The following ADAMTS18 variants were observed in gnomAD, a reference collection of about 807,000 sequenced individuals.
ADAMTS18 encodes ADAM metallopeptidase with thrombospondin type 1 motif 18, also known as A disintegrin and metalloproteinase with thrombospondin motifs 18.
Under a neutral mutation model 165.9 loss-of-function variants are expected in ADAMTS18, and 157 were observed. The ratio of observed to expected loss-of-function variants is 0.95; its 90% CI spans 0.83 to 1.08. The LOEUF (loss-of-function observed/expected upper bound fraction) is 1.08. Ranked by LOEUF, ADAMTS18 falls within the 50% of genes least tolerant of loss-of-function variation. The probability of loss-of-function intolerance (pLI) is 0.00; values close to 1 mark genes in which losing one functional copy is unlikely to be tolerated. For synonymous variants in ADAMTS18, 782 were observed against 578.2 expected (o/e 1.35, Z -5.06); for missense variants, 2,040 against 1,534.0 (o/e 1.33, Z -5.51).
chr16:77,392,703 T>G (rs1007678740), intron 3 of ADAMTS18, among the ~76,000 whole-genome samples: 3 of 152,068 alleles, frequency 2.0e-5, no homozygotes, highest in Admixed American at 2.0e-4. Flanking sequence ...AGGGTAGACG[T>G]CGTAAATATT....
At chr16:77,373,995 G>C (rs1414902703) in intron 3 of ADAMTS18, among the ~76,000 whole-genome samples, 1 of 152,130 alleles carries the variant, frequency 6.6e-6, no homozygotes, top group East Asian at 1.9e-4. Context: ...AAGGAGTGCA[G>C]ATCACGTGAG....
At chr16:77,324,891 T>C (rs957565964) in intron 13 of ADAMTS18, among the ~76,000 whole-genome samples, 2 of 147,556 alleles carry the variant, frequency 1.4e-5, no homozygotes, top group African/African-American at 2.4e-5. Flanking sequence ...AATTGTCATG[T>C]CTGTCTCTAT....
chr16:77,359,978 G>A (rs2056688831), intron 7 of ADAMTS18, among the ~76,000 whole-genome samples: 1 of 152,118 alleles, frequency 6.6e-6, no homozygotes, highest in Non-Finnish European at 1.5e-5. Flanking sequence ...TGTTCCCAAA[G>A]TTACTTCCCT....
intron 17 of ADAMTS18, 120 bp from the exon 18 acceptor site, chr16:77,297,535 AT>A (rs2055497826): frequency 2.8e-6 from 3 of 1,067,354 alleles, no homozygotes; most frequent in Non-Finnish European, 4.2e-6. Flanking sequence ...GAATCCAAAT[AT>A]TTTGTGGAAC....
chr16:77,320,340 C>T (rs1434873411), intron 15 of ADAMTS18, among the ~76,000 whole-genome samples: 1 of 152,170 alleles, frequency 6.6e-6, no homozygotes, highest in Non-Finnish European at 1.5e-5. Flanking sequence ...AACAAATACA[C>T]TCTTCTCCTT....
intron 16 of ADAMTS18, among the ~76,000 whole-genome samples, chr16:77,313,083 G>A (rs966916639): frequency 1.2e-4 from 18 of 149,734 alleles, no homozygotes; most frequent in Admixed American, 1.0e-3. Context: ...AGAAAATGTG[G>A]CACATATGCA....
At chr16:77,349,468 T>TA (rs1042252629) in intron 10 of ADAMTS18, among the ~76,000 whole-genome samples, 3 of 140,280 alleles carry the variant, frequency 2.1e-5, no homozygotes, top group African/African-American at 5.4e-5. Context: ...TTATCTTATG[T>TA]AAAATGCAGT....
At chr16:77,298,776 A>C (rs1203884326) in intron 17 of ADAMTS18, among the ~76,000 whole-genome samples, 1 of 152,230 alleles carries the variant, frequency 6.6e-6, no homozygotes, top group Non-Finnish European at 1.5e-5. Context: ...TGGGTGACAG[A>C]GTGAGATCCT....
chr16:77,425,357 G>A (rs1015994787), intron 3 of ADAMTS18, among the ~76,000 whole-genome samples: 13 of 152,110 alleles, frequency 8.5e-5, no homozygotes, highest in Admixed American at 7.9e-4. Flanking sequence ...CCTTGATCAC[G>A]GTACATACTC....
In ADAMTS18 at chr16:77,431,421, A is replaced by G; in HGVS notation, c.369T>C (p.Ile123=). 1 of 1,614,202 alleles carries G rather than the reference A, an allele frequency of 6.2e-7. No homozygotes were observed. Among genetic ancestry groups the G allele is most frequent in the Non-Finnish European group, 8.5e-7 (1 of 1,180,040 alleles). Residue 123 remains isoleucine (I), a synonymous_variant, in exon 3 of 23, where the codon ATT becomes ATC. Coordinates refer to ENST00000282849, the MANE Select transcript of ADAMTS18 (RefSeq NM_199355.4). ...CACCATCTTTTCCAAGTACCTGGAC[A>G]ATAAAGTGACTGCTCAAAATCGCCG... The part of the protein sequence containing the change: ...KPSAILSSHF[I]VQVLGKDGAS...
chr16:77,370,580 T>C (rs982522081), intron 3 of ADAMTS18, among the ~76,000 whole-genome samples: 1 of 151,966 alleles, frequency 6.6e-6, no homozygotes, highest in Admixed American at 6.6e-5. Flanking sequence ...TGAAACCATG[T>C]CTCTACTAAA....
chr16:77,335,624 T>A, intron 12 of ADAMTS18, 132 bp downstream of exon 12: 1 of 1,124,286 alleles, frequency 8.9e-7, no homozygotes, highest in Non-Finnish European at 1.3e-6. Context: ...ACCCCATAAA[T>A]ATGTATAACC....
Position 77,363,809 on chromosome 16 carries a change from T to A in ADAMTS18, c.1049A>T (p.Gln350Leu), listed in dbSNP as rs1008266886. The stretch of plus-strand genomic sequence containing the variant: ...ATGAAGTTTGCCACTTACAGGTTCT[T>A]GTTCCAGAAGAATTAGGCTCACCAC... ...VVVVSLILLEQEPGGLLINHH... is the reference protein window; with the variant it reads ...VVVVSLILLELEPGGLLINHH... The change falls in exon 6 of 23, where the codon CAA becomes CTA. Residue 350 changes from glutamine to leucine, a missense_variant. By Grantham distance (113) the Gln-to-Leu change is moderately radical (BLOSUM62 -2). Transcript: ENST00000282849. 6.2e-7 allele frequency: 1 copy of A among 1,613,814 alleles called. No homozygotes were observed. The highest frequency in any genetic ancestry group is 1.3e-5 in the African/African-American group (1 of 74,912).
At chr16:77,325,699 G>A (rs1409217943) in intron 13 of ADAMTS18, among the ~76,000 whole-genome samples, 167 bp downstream of exon 13, 1 of 151,604 alleles carries the variant, frequency 6.6e-6, no homozygotes, top group Non-Finnish European at 1.5e-5. Context: ...AAACAACAGT[G>A]GAAAAATAAA....
At position 77,344,070 on chromosome 16, in the gene ADAMTS18, C is replaced by T. The variant is rs562860112; in HGVS notation, c.1615-2271G>A. ...TTACACAAACACTCAAAAAAAAAAGCTTTCCATGGGACTGAGAAAACATAG... is the reference window on the plus strand; with the variant it reads ...TTACACAAACACTCAAAAAAAAAAGTTTTCCATGGGACTGAGAAAACATAG... On this transcript the variant is annotated intron_variant, in intron 10 of 22. Transcript: ENST00000282849. Among the ~76,000 whole-genome samples the T allele has an allele frequency of 2.4e-4, 36 of 149,262 alleles. No individual in the cohort carries two copies. The Middle Eastern group carries it at 0.01, about 43-fold the overall frequency.
rs1339459928 is a variant in ADAMTS18 at position 77,366,747 on chromosome 16, G to C, written c.778+694C>G. Among the ~76,000 whole-genome samples the C allele has an allele frequency of 4.6e-5, 7 of 152,126 alleles. 1 individual carries two copies. The highest frequency in any genetic ancestry group is 7.3e-5 in the Non-Finnish European group (5 of 68,038). ...GAATCGACTGGTTTAAGTGCTGTAA[G>C]TTTAAAATAAACGCTGGATTTCCAA... On this transcript the variant is annotated intron_variant, in intron 4 of 22. Coordinates refer to ENST00000282849, the MANE Select transcript of ADAMTS18 (RefSeq NM_199355.4).
At chr16:77,366,149 C>G (rs1246101607) in intron 4 of ADAMTS18, among the ~76,000 whole-genome samples, 1 of 128,484 alleles carries the variant, frequency 7.8e-6, no homozygotes, top group East Asian at 2.8e-4. Context: ...TTCCTCTTCT[C>G]CATGAGAATA....
chr16:77,289,136 A>C, intron 22 of ADAMTS18, 128 bp downstream of exon 22: 1 of 1,217,260 alleles, frequency 8.2e-7, no homozygotes, highest in Non-Finnish European at 1.2e-6. Flanking sequence ...GAGCACTGTC[A>C]CATAGACTTC....
intron 22 of ADAMTS18, among the ~76,000 whole-genome samples, chr16:77,288,422 G>C (rs549352804): frequency 2.0e-5 from 3 of 151,666 alleles, no homozygotes; most frequent in African/African-American, 7.3e-5. Context: ...TCTTGTGCAA[G>C]ATTCTTTAGC....
Sources: gnomAD v4.1 joint callset for allele counts (sites outside exome capture counted in the v4.1 genomes callset) on GRCh38, gnomAD v4.1.1 for gene constraint, MANE v1.5 for transcripts, NCBI Gene and HGNC (gene_info 2026-07-23, HGNC 2026-07-21) for gene names.